The following AUTS2 variants were observed in gnomAD, a reference collection of about 807,000 sequenced individuals.
The protein encoded by AUTS2 is activator of transcription and developmental regulator AUTS2.
AUTS2 carries 17 observed loss-of-function variants against 112.4 expected under a neutral mutation model. That is an observed-to-expected ratio of 0.15 (90% CI 0.10 to 0.23). The LOEUF (loss-of-function observed/expected upper bound fraction) is 0.23. Ranked by LOEUF, AUTS2 falls within the 10% of genes least tolerant of loss-of-function variation. AUTS2 has a pLI of 1.00. For missense variants in AUTS2, 1,510 were observed against 1,701.6 expected (o/e 0.89, Z 1.98); for synonymous variants, 751 against 702.7 (o/e 1.07, Z -1.09).
At chr7:70,281,953 G>A (rs902537887) in intron 4 of AUTS2, among the ~76,000 whole-genome samples, 24 of 152,080 alleles carry the variant, frequency 1.6e-4, no homozygotes, top group Admixed American at 9.2e-4. Context: ...AGAACAAACC[G>A]CATAGATTGA....
intron 1 of AUTS2, among the ~76,000 whole-genome samples, chr7:69,878,053 TG>T (rs778732013): frequency 1.7e-4 from 26 of 151,836 alleles, no homozygotes; most frequent in Non-Finnish European, 3.1e-4. Flanking sequence ...GGGTAGACGG[TG>T]GGGGGCATGT....
At chr7:70,727,221 A>G (rs1198518470) in intron 6 of AUTS2, among the ~76,000 whole-genome samples, 1 of 152,210 alleles carries the variant, frequency 6.6e-6, no homozygotes, top group Non-Finnish European at 1.5e-5. Context: ...GCGTGTGGGA[A>G]CCTGCACATT....
At chr7:70,646,675 G>A (rs766215344) in intron 5 of AUTS2, among the ~76,000 whole-genome samples, 3 of 152,336 alleles carry the variant, frequency 2.0e-5, no homozygotes, top group South Asian at 2.1e-4. Flanking sequence ...CCATTTGTGC[G>A]GCATCGAACA....
At chr7:69,619,854 G>A (rs1377687695) in intron 1 of AUTS2, among the ~76,000 whole-genome samples, 3 of 152,130 alleles carry the variant, frequency 2.0e-5, no homozygotes, top group Non-Finnish European at 2.9e-5. Flanking sequence ...ACATTCTGGT[G>A]TCGCATTGTT....
chr7:69,829,060 C>T (rs999995424), intron 1 of AUTS2, among the ~76,000 whole-genome samples: 4 of 152,068 alleles, frequency 2.6e-5, no homozygotes, highest in Non-Finnish European at 5.9e-5. Flanking sequence ...ATCAATGGAA[C>T]AGAATAGAGA....
intron 5 of AUTS2, among the ~76,000 whole-genome samples, chr7:70,627,807 G>A (rs1805028770): frequency 2.6e-5 from 4 of 152,206 alleles, no homozygotes; most frequent in Admixed American, 2.6e-4. Context: ...TGTACACGGT[G>A]GAGGAAAAGA....
chr7:69,636,485 C>G lies in AUTS2; in HGVS notation c.309+36523C>G, dbSNP rs563695454. Among the ~76,000 whole-genome samples the G allele has an allele frequency of 2.8e-3, 222 of 78,276 alleles. 69 individuals carry two copies. The highest frequency in any genetic ancestry group is 0.011 in the South Asian group (20 of 1,788). 51.4% of individuals were successfully genotyped at this position (78,276 alleles called of 152,430 possible). A position where few individuals can be genotyped will look rare whatever the true frequency, so the allele number is the denominator to read the frequency against. On this transcript the variant is annotated intron_variant, in intron 1 of 18. Coordinates refer to ENST00000342771, the MANE Select transcript of AUTS2 (RefSeq NM_015570.4). ...CCTGACCTCAAGTGATCCGCGCCCCCCCCCCCCCTTGGCCTCCCAAAGTGC... is the reference window on the plus strand; with the variant it reads ...CCTGACCTCAAGTGATCCGCGCCCCGCCCCCCCCTTGGCCTCCCAAAGTGC...
At chr7:70,784,018 G>C (rs1365429367) in intron 15 of AUTS2, 2 of 152,022 alleles carry the variant, frequency 1.3e-5, no homozygotes, top group African/African-American at 4.8e-5. Flanking sequence ...GCAAAATACA[G>C]AGAAGAGGAG....
intron 1 of AUTS2, among the ~76,000 whole-genome samples, chr7:69,621,072 G>GATA (rs903049636): frequency 2.6e-5 from 4 of 152,148 alleles, no homozygotes; most frequent in Non-Finnish European, 5.9e-5. Context: ...ATGCAAAAAT[G>GATA]ATAATAATAA....
intron 2 of AUTS2, among the ~76,000 whole-genome samples, chr7:69,900,612 GT>G (rs1288315521): frequency 6.6e-6 from 1 of 152,190 alleles, no homozygotes; most frequent in Admixed American, 6.5e-5. Flanking sequence ...AGAATCAAGA[GT>G]GTATTTGGGT....
chr7:70,388,535 G>A (rs1003961080), intron 4 of AUTS2, among the ~76,000 whole-genome samples: 2 of 152,150 alleles, frequency 1.3e-5, no homozygotes, highest in Non-Finnish European at 2.9e-5. Context: ...GTCAATCTAG[G>A]TACAAGGCTG....
chr7:70,427,689 G>T (rs1026047266), intron 4 of AUTS2, among the ~76,000 whole-genome samples: 2 of 152,206 alleles, frequency 1.3e-5, no homozygotes, highest in Non-Finnish European at 2.9e-5. Flanking sequence ...GTGGTAGAAT[G>T]AACCTAGCAC....
intron 2 of AUTS2, among the ~76,000 whole-genome samples, chr7:69,908,475 GACAC>G (rs929053479): frequency 3.9e-5 from 6 of 152,210 alleles, no homozygotes; most frequent in African/African-American, 1.4e-4. Flanking sequence ...TGCTCACAAA[GACAC>G]ACACAGGAGC....
intron 1 of AUTS2, among the ~76,000 whole-genome samples, chr7:69,874,790 C>A (rs1006604217): frequency 2.6e-5 from 4 of 152,196 alleles, no homozygotes; most frequent in Middle Eastern, 6.9e-3. Context: ...TCCCAAGTAC[C>A]TGGGATCATA....
chr7:70,274,945 T>C (rs1712041342), intron 4 of AUTS2, among the ~76,000 whole-genome samples: 1 of 152,220 alleles, frequency 6.6e-6, no homozygotes, highest in Non-Finnish European at 1.5e-5. Flanking sequence ...TATTCCAATG[T>C]TCATAGAAGC....
chr7:70,139,739 C>A (rs764526230), intron 4 of AUTS2, among the ~76,000 whole-genome samples: 12 of 152,120 alleles, frequency 7.9e-5, no homozygotes, highest in Admixed American at 3.3e-4. Context: ...GTGGCTCATG[C>A]CTATAATCCA....
intron 5 of AUTS2, among the ~76,000 whole-genome samples, chr7:70,445,246 T>C (rs1184370415): frequency 6.6e-6 from 1 of 152,136 alleles, no homozygotes; most frequent in Non-Finnish European, 1.5e-5. Flanking sequence ...AGCTGAGATA[T>C]AAGTTGTGTC....
At chr7:69,724,543 T>G (rs1786408775) in intron 1 of AUTS2, among the ~76,000 whole-genome samples, 1 of 152,202 alleles carries the variant, frequency 6.6e-6, no homozygotes, top group African/African-American at 2.4e-5. Flanking sequence ...ACACTGCACT[T>G]TTAACGGCAC....
At position 70,790,324 on chromosome 7, in the gene AUTS2, C is replaced by T. The variant is rs956079684; in HGVS notation, c.3108C>T (p.Ser1036=). The T allele has an allele frequency of 5.0e-6, 8 of 1,613,684 alleles. No homozygotes were observed. Among genetic ancestry groups the T allele is most frequent in the Non-Finnish European group, 6.8e-6 (8 of 1,180,044 alleles). ...TGACGGGCATTCACCCCATGAACAGCATCAGCAGCCTGGACAGGACTCGCA... is the reference window on the plus strand; with the variant it reads ...TGACGGGCATTCACCCCATGAACAGTATCAGCAGCCTGGACAGGACTCGCA... ...VGVTGIHPMN[S]ISSLDRTRMM... Residue 1036 remains serine (S), a synonymous_variant, in exon 19 of 19, where the codon AGC becomes AGT. Coordinates refer to ENST00000342771, the MANE Select transcript of AUTS2 (RefSeq NM_015570.4). The surrounding 1 kb of genome is among the most constrained non-coding windows in gnomAD (Gnocchi z 7.6).
Sources: allele counts gnomAD v4.1 joint callset (sites outside exome capture counted in the v4.1 genomes callset), GRCh38; gene constraint gnomAD v4.1.1; non-coding constraint Gnocchi (gnomAD v3.1); transcripts MANE v1.5; gene names NCBI Gene and HGNC (gene_info 2026-07-23, HGNC 2026-07-21).